GC: variants seen among roughly 807,000 people sequenced by gnomAD.
The protein encoded by GC is GC vitamin D binding protein, also known as vitamin D-binding protein.
A neutral mutation model predicts 56.7 loss-of-function variants in GC; 43 were observed. That is an observed-to-expected ratio of 0.76 (90% CI 0.59 to 0.98). The LOEUF (loss-of-function observed/expected upper bound fraction) is 0.98. GC is among the 50% of genes least tolerant of loss of function. The probability of loss-of-function intolerance (pLI) is 0.00; values close to 1 mark genes in which losing one functional copy is unlikely to be tolerated. For synonymous variants in GC, 216 were observed against 202.7 expected (o/e 1.07, Z -0.56); for missense variants, 529 against 545.9 (o/e 0.97, Z 0.31).
rs7697744 is a variant in GC at position 71,768,491 on chromosome 4, C to G, written c.129-58G>C. On this transcript the variant is annotated intron_variant, in intron 2 of 12. Transcript: ENST00000273951. ...AACTGAAAGGTTTTTTTTTTTGAGA[C>G]GGAGTCTCGCTCTGTTACCCAGGCT... The G allele has an allele frequency of 1.4e-3, 2,076 of 1,464,306 alleles. 33 individuals are homozygous for G. In the African/African-American group the frequency reaches 0.027, roughly 19 times the overall value. The allele number at this position is 1,464,306 out of a possible 1,614,324, so 90.7% of individuals were successfully genotyped here. A position where few individuals can be genotyped will look rare whatever the true frequency, so the allele number is the denominator to read the frequency against.
chr4:71,758,323 A>G (rs1373604224), intron 6 of GC, 152 bp from the exon 7 acceptor site: 11 of 635,442 alleles, frequency 1.7e-5, no homozygotes, highest in Admixed American at 2.9e-5. Flanking sequence ...GATAGATCTT[A>G]TGTACCCAAG....
chr4:71,768,903 C>G (rs1742261091), intron 2 of GC, among the ~76,000 whole-genome samples: 1 of 152,120 alleles, frequency 6.6e-6, no homozygotes, highest in African/African-American at 2.4e-5. Context: ...AGTTTTTGTT[C>G]TAGGCAAATT....
chr4:71,784,864 C>A (rs978291978), upstream of GC, among the ~76,000 whole-genome samples: 1 of 151,650 alleles, frequency 6.6e-6, no homozygotes, highest in African/African-American at 2.4e-5. Context: ...CAGAGAGGCC[C>A]TGTAGGACAT....
upstream of GC, among the ~76,000 whole-genome samples, chr4:71,787,214 A>G (rs776544268): frequency 4.6e-5 from 7 of 151,856 alleles, no homozygotes; most frequent in Admixed American, 1.3e-4. Flanking sequence ...CTGCCTCCCT[A>G]TTTAAAATGA....
At chr4:71,785,485 A>G (rs1742810584), upstream of GC, among the ~76,000 whole-genome samples, 1 of 151,752 alleles carries the variant, frequency 6.6e-6, no homozygotes, top group Non-Finnish European at 1.5e-5. Flanking sequence ...TTAGGTAGTT[A>G]CATGTTTAGT....
intron 5 of GC, 50 bp from the exon 6 acceptor site, chr4:71,763,552 A>G: frequency 1.8e-6 from 2 of 1,136,912 alleles, no homozygotes; most frequent in Non-Finnish European, 2.6e-6. Flanking sequence ...CTCATTGAAT[A>G]CTGTATAAAT....
chr4:71,763,133 A>G (rs1342714817), intron 6 of GC, among the ~76,000 whole-genome samples: 2 of 152,186 alleles, frequency 1.3e-5, no homozygotes, highest in African/African-American at 2.4e-5. Context: ...ATATGCTAAT[A>G]TGAACACTGA....
At chr4:71,756,093 T>A (rs985468075) in intron 8 of GC, among the ~76,000 whole-genome samples, 15 of 99,396 alleles carry the variant, frequency 1.5e-4, no homozygotes, top group Admixed American at 3.7e-4. Context: ...TGAAAATGAA[T>A]ATTGATAATG....
chr4:71,765,131 A>G (rs1474343935), intron 4 of GC, among the ~76,000 whole-genome samples: 1 of 152,208 alleles, frequency 6.6e-6, no homozygotes, highest in Non-Finnish European at 1.5e-5. Flanking sequence ...GCATCAGGGA[A>G]ATCACCACAG....
At chr4:71,748,572 A>C (rs1426740391) in intron 11 of GC, among the ~76,000 whole-genome samples, 1 of 152,140 alleles carries the variant, frequency 6.6e-6, no homozygotes. Flanking sequence ...GCCCTGCCTG[A>C]ATGATGGTAG....
intron 1 of GC, among the ~76,000 whole-genome samples, chr4:71,790,381 G>A (rs843007): frequency 0.69 from 105,073 of 151,724 alleles, 38,875 homozygotes; most frequent in South Asian, 0.83. Context: ...ATCTAGCTGT[G>A]CCTTTGGGTT....
intron 11 of GC, among the ~76,000 whole-genome samples, chr4:71,750,451 A>G (rs1184259253): frequency 1.3e-5 from 2 of 152,224 alleles, no homozygotes; most frequent in African/African-American, 4.8e-5. Context: ...TTGAACATTT[A>G]TACTTTCGTG....
chr4:71,742,432 C>T (rs1029664498), intron 12 of GC, among the ~76,000 whole-genome samples: 4 of 152,142 alleles, frequency 2.6e-5, no homozygotes, highest in Non-Finnish European at 4.4e-5. Flanking sequence ...TTGTCTTCAA[C>T]GAGTTTATGC....
chr4:71,751,333 G>T (rs1051401334), intron 11 of GC, among the ~76,000 whole-genome samples: 1 of 152,104 alleles, frequency 6.6e-6, no homozygotes, highest in Non-Finnish European at 1.5e-5. Context: ...CCTACCTGAG[G>T]TCTCCTCCCC....
rs765377246 is a variant in GC at position 71,765,417 on chromosome 4, G to A, written c.473+15C>T. 3.1e-6 allele frequency: 5 copies of A among 1,594,158 alleles called. No individual in the cohort carries two copies. ...CTTTAGGTCCTAAAGTTCTATTTAT[G>A]ATGAAGGCACTCACTGATTAGCATA... On this transcript the variant is annotated intron_variant, in intron 4 of 12. Transcript: ENST00000273951.
At chr4:71,780,613 G>A (rs1466040058) in intron 1 of GC, among the ~76,000 whole-genome samples, 1 of 152,080 alleles carries the variant, frequency 6.6e-6, no homozygotes, top group African/African-American at 2.4e-5. Flanking sequence ...CATTTATGCA[G>A]CCAAAAAACA....
chr4:71,803,509 A>G (rs911339095), intron 1 of GC, among the ~76,000 whole-genome samples: 3 of 152,100 alleles, frequency 2.0e-5, no homozygotes, highest in Non-Finnish European at 4.4e-5. Context: ...TGAGTTCTAT[A>G]TGATGATGCA....
chr4:71,767,466 C>G (rs934821922), intron 3 of GC, among the ~76,000 whole-genome samples: 2 of 151,960 alleles, frequency 1.3e-5, no homozygotes, highest in African/African-American at 2.4e-5. Flanking sequence ...TTTGAATCCT[C>G]CTTCCAAATT....
intron 1 of GC, among the ~76,000 whole-genome samples, chr4:71,771,209 T>C (rs1252252256): frequency 2.0e-5 from 3 of 152,150 alleles, no homozygotes; most frequent in Non-Finnish European, 2.9e-5. Context: ...ATCCCAAAGA[T>C]TTCCTCTCCT....
Sources: gnomAD v4.1 joint callset for allele counts (sites outside exome capture counted in the v4.1 genomes callset) on GRCh38, gnomAD v4.1.1 for gene constraint, MANE v1.5 for transcripts, NCBI Gene and HGNC (gene_info 2026-07-23, HGNC 2026-07-21) for gene names.